Variants in CALN1 observed in about 807,000 individuals in gnomAD.
CALN1 encodes calcium-binding protein 8.
In CALN1, 17 loss-of-function variants were observed where a neutral mutation model predicts 30.6. That is an observed-to-expected ratio of 0.56 (90% CI 0.38 to 0.83). The LOEUF (loss-of-function observed/expected upper bound fraction) is 0.83. Among genes scored for constraint, CALN1 ranks in the 40% least tolerant of loss-of-function variants. CALN1 has a pLI of 0.00. For missense variants in CALN1, 291 were observed against 354.9 expected (o/e 0.82, Z 1.45); for synonymous variants, 156 against 131.4 (o/e 1.19, Z -1.28).
At chr7:71,917,663 G>A (rs553546890) in intron 5 of CALN1, among the ~76,000 whole-genome samples, 140 of 152,214 alleles carry the variant, frequency 9.2e-4, no homozygotes, top group Non-Finnish European at 2.9e-4. Flanking sequence ...CAAGTGGGGG[G>A]AGGAAATGCC....
chr7:71,852,016 G>A (rs1790677071), intron 5 of CALN1, among the ~76,000 whole-genome samples: 1 of 152,154 alleles, frequency 6.6e-6, no homozygotes, highest in Non-Finnish European at 1.5e-5. Flanking sequence ...GACCACACAA[G>A]AGGAGGATCT....
chr7:71,911,203 A>C (rs1794407565), intron 5 of CALN1, among the ~76,000 whole-genome samples: 1 of 152,186 alleles, frequency 6.6e-6, no homozygotes, highest in Non-Finnish European at 1.5e-5. Flanking sequence ...TTGAAACCCA[A>C]ACCAGGCCCC....
chr7:71,936,333 C>G (rs2129521398), intron 5 of CALN1, among the ~76,000 whole-genome samples: 1 of 146,386 alleles, frequency 6.8e-6, no homozygotes, highest in African/African-American at 2.5e-5. Context: ...CCCATCTCTA[C>G]TAAAAATACA....
chr7:72,235,951 T>A (rs1794449782), intron 3 of CALN1, among the ~76,000 whole-genome samples: 1 of 151,552 alleles, frequency 6.6e-6, no homozygotes, highest in Non-Finnish European at 1.5e-5. Context: ...ATAACCTGAT[T>A]TCACATTCTG....
chr7:72,214,788 C>T (rs1473209960), intron 3 of CALN1, among the ~76,000 whole-genome samples: 1 of 152,046 alleles, frequency 6.6e-6, no homozygotes, highest in Non-Finnish European at 1.5e-5. Context: ...CTGAGCTCCA[C>T]CTCCTGTCAA....
At chr7:72,344,591 G>C (rs920888772) in intron 2 of CALN1, among the ~76,000 whole-genome samples, 4 of 145,992 alleles carry the variant, frequency 2.7e-5, no homozygotes, top group African/African-American at 9.9e-5. Context: ...CTATTTATAT[G>C]TAAATATATA....
chr7:72,422,327 G>A (rs1585712360), intron 1 of CALN1, among the ~76,000 whole-genome samples: 1 of 152,074 alleles, frequency 6.6e-6, no homozygotes, highest in Non-Finnish European at 1.5e-5. Context: ...GACCATTCTC[G>A]CAGGAGTAAG....
intron 2 of CALN1, among the ~76,000 whole-genome samples, chr7:72,362,120 A>T (rs1192755928): frequency 6.6e-6 from 1 of 152,170 alleles, no homozygotes; most frequent in East Asian, 1.9e-4. Flanking sequence ...AATACAGTAT[A>T]TGACAGTTTC....
At chr7:72,031,931 C>A (rs992024734) in intron 4 of CALN1, among the ~76,000 whole-genome samples, 25 of 150,174 alleles carry the variant, frequency 1.7e-4, no homozygotes, top group Admixed American at 6.7e-4. Context: ...TTAGTAAAGA[C>A]AGGGTTTTGC....
intron 3 of CALN1, among the ~76,000 whole-genome samples, chr7:72,253,484 C>T (rs567971627): frequency 3.2e-4 from 49 of 152,258 alleles, no homozygotes; most frequent in Non-Finnish European, 6.6e-4. Flanking sequence ...GCTAAGGGGG[C>T]CTCAGAAAAC....
At chr7:71,809,100 G>C (rs1303332760) in intron 6 of CALN1, among the ~76,000 whole-genome samples, 1 of 152,068 alleles carries the variant, frequency 6.6e-6, no homozygotes, top group African/African-American at 2.4e-5. Context: ...TGGCAGTTTT[G>C]CAGTGTTTAA....
intron 3 of CALN1, among the ~76,000 whole-genome samples, chr7:72,171,468 A>ATAAAAAT (rs1788955171): frequency 6.6e-6 from 1 of 152,234 alleles, no homozygotes; most frequent in Admixed American, 6.5e-5. Context: ...TCTTAAAAAA[A>ATAAAAAT]TAAAAATTAA....
intron 5 of CALN1, among the ~76,000 whole-genome samples, chr7:71,892,780 C>T (rs1320827429): frequency 8.5e-5 from 13 of 152,226 alleles, no homozygotes; most frequent in Admixed American, 7.9e-4. Flanking sequence ...ATATCTACTT[C>T]TGTCTCCTTT....
chr7:72,049,570 C>T (rs1802697824), intron 4 of CALN1, among the ~76,000 whole-genome samples: 1 of 152,146 alleles, frequency 6.6e-6, no homozygotes, highest in Non-Finnish European at 1.5e-5. Flanking sequence ...TGCAGTGGCA[C>T]CATCTTGGCT....
intron 5 of CALN1, among the ~76,000 whole-genome samples, chr7:71,918,500 G>A (rs886128694): frequency 1.3e-5 from 2 of 152,194 alleles, no homozygotes; most frequent in Non-Finnish European, 2.9e-5. Flanking sequence ...TATGTAGACT[G>A]CTTTCCTACT....
At chr7:71,811,909 C>A (rs1028325880) in intron 5 of CALN1, among the ~76,000 whole-genome samples, 2 of 150,560 alleles carry the variant, frequency 1.3e-5, no homozygotes, top group Admixed American at 1.3e-4. Flanking sequence ...GAACTCCTGA[C>A]CTCAGGTGAT....
intron 2 of CALN1, among the ~76,000 whole-genome samples, chr7:72,341,295 G>A (rs1416755123): frequency 6.6e-6 from 1 of 152,180 alleles, no homozygotes; most frequent in African/African-American, 2.4e-5. Flanking sequence ...AGCCGAGGCG[G>A]GTGGATCACT....
At chr7:72,054,464 T>TACACATATAC (rs1398201770) in intron 4 of CALN1, among the ~76,000 whole-genome samples, 1 of 126,184 alleles carries the variant, frequency 7.9e-6, no homozygotes, top group Non-Finnish European at 1.7e-5. Flanking sequence ...TATACATATA[T>TACACATATAC]ATACATATAT....
chr7:72,461,838 T>C, the CALN1 span, among the ~76,000 whole-genome samples: 1 of 152,056 alleles, frequency 6.6e-6, no homozygotes, highest in Non-Finnish European at 1.5e-5. Flanking sequence ...CAAAACCCCG[T>C]TTCTACTAAA....
Sources: allele counts gnomAD v4.1 joint callset (sites outside exome capture counted in the v4.1 genomes callset), GRCh38; gene constraint gnomAD v4.1.1; transcripts MANE v1.5; gene names NCBI Gene and HGNC (gene_info 2026-07-23, HGNC 2026-07-21).